The following PDE2A variants were observed in gnomAD, a reference collection of about 807,000 sequenced individuals.
The protein encoded by PDE2A is phosphodiesterase 2A, also known as cGMP-dependent 3',5'-cyclic phosphodiesterase.
A neutral mutation model predicts 133.6 loss-of-function variants in PDE2A; 53 were observed. The ratio of observed to expected loss-of-function variants is 0.40; its 90% CI spans 0.32 to 0.50. PDE2A has a LOEUF of 0.50. Among genes scored for constraint, PDE2A ranks in the 20% least tolerant of loss-of-function variants. The pLI, the probability that PDE2A is intolerant of heterozygous loss-of-function variation, is 0.73. For synonymous variants in PDE2A, 491 were observed against 490.2 expected (o/e 1.00, Z -0.02); for missense variants, 796 against 1,232.4 (o/e 0.65, Z 5.30).
intron 16 of PDE2A, 70 bp from the exon 17 acceptor site, chr11:72,585,014 A>C (rs933728978): frequency 2.0e-6 from 3 of 1,486,748 alleles, no homozygotes; most frequent in Non-Finnish European, 2.8e-6. Flanking sequence ...TCCCATAAGG[A>C]GGCAAAGGCC....
chr11:72,634,880 T>C lies in PDE2A; in HGVS notation c.144+7374A>G, dbSNP rs371463692. Among the ~76,000 whole-genome samples the C allele has an allele frequency of 3.1e-4, 47 of 152,372 alleles. No individual in the cohort carries two copies. In the South Asian group the frequency reaches 9.1e-3, roughly 30 times the overall value. On this transcript the variant is annotated intron_variant, in intron 2 of 30. Transcript: ENST00000334456. The stretch of plus-strand genomic sequence containing the variant: ...TGGGACCCCACTGGCTGTCCTGGCC[T>C]CTGCCCTTGTCTGAGCCTTTGGACG...
At chr11:72,639,564 C>T (rs1057372512) in intron 2 of PDE2A, among the ~76,000 whole-genome samples, 11 of 152,160 alleles carry the variant, frequency 7.2e-5, no homozygotes, top group Non-Finnish European at 1.2e-4. Context: ...CTCCCCTCTG[C>T]GGAGCACGAA....
rs1859064791 is a variant in PDE2A, at chr11:72,644,194, T to C, written c.72-1868A>G. Among the ~76,000 whole-genome samples, 2 of 152,220 alleles carry C rather than the reference T, an allele frequency of 1.3e-5. 1 individual carries two copies. Among genetic ancestry groups the C allele is most frequent in the South Asian group, 4.1e-4 (2 of 4,828 alleles). On this transcript the variant is annotated intron_variant, in intron 1 of 30. Coordinates refer to ENST00000334456, the MANE Select transcript of PDE2A (RefSeq NM_002599.5). ...CTGGTTACTACCTTATCCCTCTGGG[T>C]AGCCCTTTTTTGTGTCTTTCCTGGG...
chr11:72,607,825 G>A (rs947190247), intron 3 of PDE2A, among the ~76,000 whole-genome samples: 1 of 152,148 alleles, frequency 6.6e-6, no homozygotes, highest in African/African-American at 2.4e-5. Flanking sequence ...AGGCTATCAG[G>A]ACTCAGTTAG....
In PDE2A at chr11:72,577,429, GC is replaced by G; in HGVS notation, c.2780del (p.Gly927AlafsTer55). 6.2e-7 allele frequency: 1 copy of G among 1,613,962 alleles called. No homozygotes were observed. The highest frequency in any genetic ancestry group is 8.5e-7 in the Non-Finnish European group (1 of 1,179,996). On this transcript the variant is annotated frameshift_variant, in exon 31 of 31. Transcript: ENST00000334456. LOFTEE classifies it high-confidence loss of function. ...AGCAGCCATTGATGGGGGCCCTAGT[GC>G]CATCCAGATCAGGCACCTCGTACTC... is the stretch of plus-strand genomic sequence containing the variant. Reference protein sequence around the residue: ...DEEYEVPDLDGTRAPINGCCS... With the variant: ...DEEYEVPDLDXTRAPINGCCS...
intron 2 of PDE2A, among the ~76,000 whole-genome samples, chr11:72,615,376 CAGG>C (rs1312620646): frequency 1.3e-5 from 2 of 152,146 alleles, no homozygotes; most frequent in Non-Finnish European, 2.9e-5. Flanking sequence ...AGGGAAAGAG[CAGG>C]AGAAGGCAGG....
chr11:72,634,123 T>A (rs1010996275), intron 2 of PDE2A, among the ~76,000 whole-genome samples: 1 of 151,770 alleles, frequency 6.6e-6, no homozygotes, highest in Non-Finnish European at 1.5e-5. Context: ...CTCACGGGGA[T>A]GGGGAGGGCC....
intron 1 of PDE2A, among the ~76,000 whole-genome samples, chr11:72,659,867 C>T (rs966032801): frequency 6.6e-6 from 1 of 152,208 alleles, no homozygotes; most frequent in Non-Finnish European, 1.5e-5. Flanking sequence ...ATCCAACCCT[C>T]ACATCCAAGG....
At chr11:72,579,484 G>A (rs1282907322) in intron 26 of PDE2A, 50 bp downstream of exon 26, 4 of 1,563,052 alleles carry the variant, frequency 2.6e-6, no homozygotes, top group Non-Finnish European at 3.5e-6. Context: ...CCCACCTCCA[G>A]CCAGCTCCCA....
chr11:72,631,125 G>A, intron 2 of PDE2A: 3 of 1,546,852 alleles, frequency 1.9e-6, no homozygotes, highest in Non-Finnish European at 2.6e-6. Flanking sequence ...TCCTTTGCAA[G>A]GGGGTCCAGG....
Position 72,590,480 on chromosome 11 carries a change from TG to T in PDE2A, c.649del (p.Gln217ArgfsTer76). On this transcript the variant is annotated frameshift_variant, in exon 8 of 31. Transcript: ENST00000334456. LOFTEE classifies it high-confidence loss of function. The surrounding 1 kb of genome is among the most constrained non-coding windows in gnomAD (Gnocchi z 4.8). ...QNPPEGTAED[Q>X]KGGAAYTDRD... is the part of the protein sequence containing the mutation. ...GTCGGTGTACGCCGCCCCGCCCTTC[TG>T]GTCTTCCGCCGTCCCCTCCGGGGGG... 6.5e-7 allele frequency: 1 copy of T among 1,533,742 alleles called. No individual in the cohort carries two copies. The highest frequency in any genetic ancestry group is 1.3e-5 in the South Asian group (1 of 79,444).
At chr11:72,626,090 C>T (rs1020083129) in intron 2 of PDE2A, among the ~76,000 whole-genome samples, 1 of 152,272 alleles carries the variant, frequency 6.6e-6, no homozygotes, top group Non-Finnish European at 1.5e-5. Flanking sequence ...GAGGCTGGCC[C>T]TCCCTGGGCC....
intron 13 of PDE2A, 56 bp from the exon 14 acceptor site, chr11:72,586,237 A>T: frequency 1.0e-6 from 1 of 997,992 alleles, no homozygotes; most frequent in Non-Finnish European, 1.6e-6. Flanking sequence ...TTCTCTCCCC[A>T]CTCTCCTTAC....
At chr11:72,667,782 A>G (rs970466891) in intron 1 of PDE2A, among the ~76,000 whole-genome samples, 7 of 151,746 alleles carry the variant, frequency 4.6e-5, no homozygotes, top group Non-Finnish European at 4.4e-5. Context: ...AGGCCCAGGC[A>G]GGAGGATAGC....
Position 72,586,056 on chromosome 11 carries a change from G to A in PDE2A, c.1182+14C>T. On this transcript the variant is annotated intron_variant, in intron 14 of 30. Coordinates refer to ENST00000334456, the MANE Select transcript of PDE2A (RefSeq NM_002599.5). Reference sequence around the variant, plus strand: ...GAGTCGGTGCCCGAGAGAGGCTGAAGGCAGGTCACTCACCTGGCACTCACA... The same window carrying A: ...GAGTCGGTGCCCGAGAGAGGCTGAAAGCAGGTCACTCACCTGGCACTCACA... 6.7e-7 allele frequency: 1 copy of A among 1,494,398 alleles called. No individual in the cohort carries two copies. Among genetic ancestry groups the A allele is most frequent in the East Asian group, 2.3e-5 (1 of 43,776 alleles). The allele number at this position is 1,494,398 out of a possible 1,614,324, so 92.6% of individuals were successfully genotyped here. A position where few individuals can be genotyped will look rare whatever the true frequency, so the allele number is the denominator to read the frequency against.
intron 1 of PDE2A, among the ~76,000 whole-genome samples, chr11:72,648,753 G>T (rs1854637418): frequency 6.6e-6 from 1 of 152,070 alleles, no homozygotes. Context: ...CAGACCCCAA[G>T]ATCCTTCCTT....
intron 1 of PDE2A, among the ~76,000 whole-genome samples, chr11:72,662,156 G>A (rs1268668854): frequency 6.6e-6 from 1 of 152,220 alleles, no homozygotes; most frequent in African/African-American, 2.4e-5. Flanking sequence ...GCTGGGGCAG[G>A]GAGGTGCCGG....
At chr11:72,651,619 C>T (rs1854745180) in intron 1 of PDE2A, among the ~76,000 whole-genome samples, 1 of 152,198 alleles carries the variant, frequency 6.6e-6, no homozygotes, top group Non-Finnish European at 1.5e-5. Flanking sequence ...TGAAAGGTGG[C>T]TGTGAATACA....
At chr11:72,655,241 C>T (rs1854861117) in intron 1 of PDE2A, among the ~76,000 whole-genome samples, 1 of 149,140 alleles carries the variant, frequency 6.7e-6, no homozygotes, top group Non-Finnish European at 1.5e-5. Flanking sequence ...TGGAAGGAGG[C>T]ACTGCAGGGA....
Sources: allele counts gnomAD v4.1 joint callset (sites outside exome capture counted in the v4.1 genomes callset), GRCh38; gene constraint gnomAD v4.1.1; non-coding constraint Gnocchi (gnomAD v3.1); transcripts MANE v1.5; gene names NCBI Gene and HGNC (gene_info 2026-07-23, HGNC 2026-07-21).